DLG2: variants seen among roughly 807,000 people sequenced by gnomAD.
The protein encoded by DLG2 is disks large homolog 2.
A neutral mutation model predicts 132.5 loss-of-function variants in DLG2; 45 were observed. That is an observed-to-expected ratio of 0.34 (90% CI 0.27 to 0.44). DLG2 has a LOEUF of 0.44. DLG2 is among the 20% of genes least tolerant of loss of function. The pLI, the probability that DLG2 is intolerant of heterozygous loss-of-function variation, is 1.00. For synonymous variants in DLG2, 424 were observed against 419.6 expected (o/e 1.01, Z -0.13); for missense variants, 1,045 against 1,196.9 (o/e 0.87, Z 1.87).
chr11:85,374,304 C>T (rs2085227364), intron 3 of DLG2, among the ~76,000 whole-genome samples: 1 of 152,158 alleles, frequency 6.6e-6, no homozygotes, highest in Non-Finnish European at 1.5e-5. Context: ...GTAGTTATGA[C>T]ATCCCAGTCA....
At chr11:85,169,578 G>A (rs1341909619) in intron 4 of DLG2, among the ~76,000 whole-genome samples, 3 of 152,112 alleles carry the variant, frequency 2.0e-5, no homozygotes, top group Non-Finnish European at 4.4e-5. Context: ...AGTTGATTGG[G>A]CCCAAAGAAC....
chr11:84,910,448 TTCAAA>T (rs1488983922), intron 6 of DLG2, among the ~76,000 whole-genome samples: 1 of 152,164 alleles, frequency 6.6e-6, no homozygotes, highest in Non-Finnish European at 1.5e-5. Flanking sequence ...TTTTTTTTAC[TTCAAA>T]TCAAATTAAC....
intron 16 of DLG2, among the ~76,000 whole-genome samples, chr11:83,858,264 G>A (rs2060873998): frequency 6.6e-6 from 1 of 152,124 alleles, no homozygotes; most frequent in African/African-American, 2.4e-5. Flanking sequence ...ATGGCTTCTT[G>A]GGTATGTCAG....
intron 7 of DLG2, chr11:84,317,059 C>G (rs957287946): frequency 1.2e-6 from 2 of 1,612,844 alleles, no homozygotes; most frequent in Non-Finnish European, 1.7e-6. Flanking sequence ...AGTGGGCATC[C>G]CTGATCAGGG....
rs1339278981 is a variant in DLG2 at position 84,915,551 on chromosome 11, T to G, written c.357+196110A>C. On this transcript the variant is annotated intron_variant, in intron 6 of 27. Coordinates refer to ENST00000376104, the MANE Select transcript of DLG2 (RefSeq NM_001142699.3). The stretch of plus-strand genomic sequence containing the variant: ...TCCAAACATATGCTATATGACAGTG[T>G]TTTCCAAACTTGTCTTATGAATGGT... Among the ~76,000 whole-genome samples, 3 of 152,202 alleles carry G rather than the reference T, an allele frequency of 2.0e-5. 1 individual carries two copies. The highest frequency in any genetic ancestry group is 2.0e-4 in the Admixed American group (3 of 15,286).
chr11:83,675,656 C>CA (rs1313523194), intron 18 of DLG2, among the ~76,000 whole-genome samples: 38 of 152,240 alleles, frequency 2.5e-4, no homozygotes, highest in African/African-American at 8.4e-4. Flanking sequence ...CATTTTTCAA[C>CA]AACAAATTTT....
intron 8 of DLG2, among the ~76,000 whole-genome samples, chr11:84,174,761 C>T (rs1278453564): frequency 1.3e-5 from 2 of 152,048 alleles, no homozygotes; most frequent in Non-Finnish European, 1.5e-5. Flanking sequence ...TTTTTCTTAT[C>T]GATACCCTGG....
chr11:84,610,405 T>G (rs1484169451), intron 6 of DLG2, among the ~76,000 whole-genome samples: 3 of 152,082 alleles, frequency 2.0e-5, no homozygotes, highest in African/African-American at 7.2e-5. Flanking sequence ...AAAGAAAAAT[T>G]TTTTAAAAAA....
At chr11:85,108,961 G>C (rs2072260634) in intron 6 of DLG2, among the ~76,000 whole-genome samples, 1 of 152,086 alleles carries the variant, frequency 6.6e-6, no homozygotes, top group Non-Finnish European at 1.5e-5. Flanking sequence ...CTAAGCAACT[G>C]AGCCTCACAT....
At position 85,221,919 on chromosome 11, in the gene DLG2, C is replaced by T. The variant is rs1195476904; in HGVS notation, c.186+63301G>A. On this transcript the variant is annotated intron_variant, in intron 4 of 27. Coordinates refer to ENST00000376104, the MANE Select transcript of DLG2 (RefSeq NM_001142699.3). Reference sequence around the variant, plus strand: ...TATTATATCCAAAATACCCAGAATACATTTTCTTTCTTTCTTTCTTTCTTT... The same window carrying T: ...TATTATATCCAAAATACCCAGAATATATTTTCTTTCTTTCTTTCTTTCTTT... Among the ~76,000 whole-genome samples the T allele has an allele frequency of 2.0e-5, 3 of 151,920 alleles. No homozygotes were observed. In the South Asian group the frequency reaches 6.2e-4, roughly 32 times the overall value.
rs138890129 is a variant in DLG2 at position 85,409,844 on chromosome 11, T to C, written c.41-124479A>G. Among the ~76,000 whole-genome samples the C allele has an allele frequency of 3.3e-3, 496 of 151,962 alleles. 3 individuals carry two copies. Among genetic ancestry groups the C allele is most frequent in the African/African-American group, 0.012 (479 of 41,494 alleles). Reference sequence around the variant, plus strand: ...AACTCAGAACAGTGTCTACACTACATAGGAAGTAATCAATAAATGTTGCTC... The same window carrying C: ...AACTCAGAACAGTGTCTACACTACACAGGAAGTAATCAATAAATGTTGCTC... On this transcript the variant is annotated intron_variant, in intron 3 of 27. Transcript: ENST00000376104.
intron 11 of DLG2, among the ~76,000 whole-genome samples, chr11:84,053,313 G>A (rs2096435891): frequency 6.6e-6 from 1 of 151,914 alleles, no homozygotes; most frequent in African/African-American, 2.4e-5. Flanking sequence ...AAGAATAGCT[G>A]TTGGATGCTG....
intron 20 of DLG2, among the ~76,000 whole-genome samples, chr11:83,537,542 C>T (rs890488374): frequency 7.9e-5 from 12 of 151,986 alleles, no homozygotes; most frequent in East Asian, 1.9e-4. Flanking sequence ...CAGCCAGGCG[C>T]GGTGGCTTAT....
At chr11:84,936,465 G>T (rs1422356161) in intron 6 of DLG2, among the ~76,000 whole-genome samples, 3 of 151,790 alleles carry the variant, frequency 2.0e-5, no homozygotes, top group Non-Finnish European at 2.9e-5. Flanking sequence ...TAGCTATGTG[G>T]ATTTTATCAT....
At chr11:84,316,691 T>G in intron 7 of DLG2, 1 of 990,114 alleles carries the variant, frequency 1.0e-6, no homozygotes. Context: ...AAATGACAGG[T>G]TTTTCTTGGC....
intron 3 of DLG2, among the ~76,000 whole-genome samples, chr11:85,480,624 T>G (rs2093265494): frequency 6.6e-6 from 1 of 152,154 alleles, no homozygotes; most frequent in South Asian, 2.1e-4. Flanking sequence ...ATAAATAAAT[T>G]CCCAAATGTT....
At chr11:85,191,207 T>G in intron 4 of DLG2, among the ~76,000 whole-genome samples, 1 of 87,398 alleles carries the variant, frequency 1.1e-5, no homozygotes. Flanking sequence ...CACACACACG[T>G]TTGGATATAT....
intron 16 of DLG2, among the ~76,000 whole-genome samples, chr11:83,868,630 C>G (rs1323241647): frequency 1.3e-5 from 2 of 151,804 alleles, no homozygotes; most frequent in Non-Finnish European, 2.9e-5. Flanking sequence ...TGCCCTTTAC[C>G]CAACTTGCTT....
intron 7 of DLG2, among the ~76,000 whole-genome samples, chr11:84,341,719 T>C (rs1469210831): frequency 6.6e-6 from 1 of 152,242 alleles, no homozygotes; most frequent in East Asian, 1.9e-4. Flanking sequence ...AAAAAACACT[T>C]TTTGAATGGC....
Sources: gnomAD v4.1 joint callset for allele counts (sites outside exome capture counted in the v4.1 genomes callset) on GRCh38, gnomAD v4.1.1 for gene constraint, MANE v1.5 for transcripts, NCBI Gene and HGNC (gene_info 2026-07-23, HGNC 2026-07-21) for gene names.